Variants in DDX24 observed in about 807,000 individuals in gnomAD.
DDX24 encodes DEAD-box helicase 24.
A neutral mutation model predicts 68.9 loss-of-function variants in DDX24; 24 were observed. The ratio of observed to expected loss-of-function variants is 0.35; its 90% confidence interval spans 0.25 to 0.49. The LOEUF is 0.49. Among genes scored for constraint, DDX24 ranks in the 20% least tolerant of loss-of-function variants. DDX24 has a pLI of 0.99. For synonymous variants in DDX24, 395 were observed against 385.2 expected (o/e 1.03, Z -0.30); for missense variants, 989 against 1,039.0 (o/e 0.95, Z 0.66).
chr14:94,065,763 A>T (rs1293309141), intron 2 of DDX24, among the ~76,000 whole-genome samples: 1 of 152,066 alleles, frequency 6.6e-6, no homozygotes, highest in Non-Finnish European at 1.5e-5. Flanking sequence ...TTTGCAGGAG[A>T]AGTTTCTGAC....
intron 2 of DDX24, among the ~76,000 whole-genome samples, chr14:94,066,181 T>G (rs1358879627): frequency 6.6e-6 from 1 of 152,084 alleles, no homozygotes; most frequent in African/African-American, 2.4e-5. Context: ...AAGACTGCCC[T>G]TCGGTTTGTG....
chr14:94,051,501 T>G, intron 8 of DDX24, 39 bp from the exon 9 acceptor site: 3 of 1,497,280 alleles, frequency 2.0e-6, no homozygotes, highest in Non-Finnish European at 2.7e-6. Context: ...TTTACTATGG[T>G]TTGTAGAAAC....
rs755607741 is a variant in DDX24 at position 94,055,032 on chromosome 14, C to T, written c.2142G>A (p.Leu714=). The change falls in exon 7 of 9, where the codon CTG becomes CTA. Residue 714 remains leucine (L), a synonymous_variant. Transcript: ENST00000621632. Reference sequence around the variant, plus strand: ...CCATGTATTTTGTCTGCACGGGGAACAGTGGGATATCCTCATCTTTCTTGA... The same window carrying T: ...CCATGTATTTTGTCTGCACGGGGAATAGTGGGATATCCTCATCTTTCTTGA... ...KTLKKDEDIP[L]FPVQTKYMDV... is the part of the protein sequence containing the mutation. 5.6e-6 allele frequency: 9 copies of T among 1,614,216 alleles called. No individual in the cohort carries two copies. The highest frequency in any genetic ancestry group is 1.7e-5 in the Admixed American group (1 of 60,024).
rs1482826039 is a variant in DDX24 at position 94,060,405 on chromosome 14, C to G, written c.1606G>C (p.Asp536His). 4 of 1,614,020 alleles carry G rather than the reference C, an allele frequency of 2.5e-6. No homozygotes were observed. Among genetic ancestry groups the G allele is most frequent in the Non-Finnish European group, 3.4e-6 (4 of 1,180,050 alleles). The change falls in exon 5 of 9, where the codon GAC (aspartate) becomes CAC (histidine). Residue 536 changes from aspartate (D) to histidine (H), a missense_variant. Coordinates refer to ENST00000621632, the MANE Select transcript of DDX24 (RefSeq NM_020414.4). Reference sequence around the variant, plus strand: ...ATGCCAATTTTCTGCATAAGGAGGTCAAGTTTGGCTGTTTTATCCATTTTC... The same window carrying G: ...ATGCCAATTTTCTGCATAAGGAGGTGAAGTTTGGCTGTTTTATCCATTTTC... ...TKKMDKTAKLDLLMQKIGMRG... is the reference protein window; with the variant it reads ...TKKMDKTAKLHLLMQKIGMRG...
chr14:94,053,363 T>C (rs943264806), intron 7 of DDX24: 1 of 142,222 alleles, frequency 7.0e-6, no homozygotes, highest in Non-Finnish European at 1.2e-5. Flanking sequence ...AATTTCTTTT[T>C]TTTTTTTTTT....
At chr14:94,052,764 ACTCCACTGC>A (rs1885410889) in intron 8 of DDX24, among the ~76,000 whole-genome samples, 1 of 152,056 alleles carries the variant, frequency 6.6e-6, no homozygotes, top group African/African-American at 2.4e-5. Flanking sequence ...TCCTCACTGT[ACTCCACTGC>A]CTGTCCATGT....
chr14:94,061,050 A>G lies in DDX24; in HGVS notation c.1260T>C (p.Ile420=). 6.2e-7 allele frequency: 1 copy of G among 1,614,072 alleles called. No individual in the cohort carries two copies. The highest frequency in any genetic ancestry group is 8.5e-7 in the Non-Finnish European group (1 of 1,180,006). ...VARFTGIKTA[I]LVGGMSTQKQ... is the part of the protein sequence containing the mutation. ...TCTGCGTGGACATTCCACCAACCAA[A>G]ATAGCAGTTTTAATTCCTATGGGAC... Residue 420 remains isoleucine, a synonymous_variant, in exon 4 of 9, where the codon ATT becomes ATC. Transcript: ENST00000621632.
intron 2 of DDX24, among the ~76,000 whole-genome samples, chr14:94,064,272 G>A (rs1004045719): frequency 6.6e-6 from 1 of 152,216 alleles, no homozygotes; most frequent in Non-Finnish European, 1.5e-5. Flanking sequence ...TAAGAGCCTT[G>A]TAACTTTCTC....
At chr14:94,069,187 A>G (rs1885777655) in intron 2 of DDX24, among the ~76,000 whole-genome samples, 1 of 152,202 alleles carries the variant, frequency 6.6e-6, no homozygotes, top group South Asian at 2.1e-4. Flanking sequence ...AGGAGATATT[A>G]CAACTGAAAC....
At chr14:94,058,046 T>C (rs1885522240) in intron 5 of DDX24, 149 bp from the exon 6 acceptor site, 1 of 736,892 alleles carries the variant, frequency 1.4e-6, no homozygotes, top group Non-Finnish European at 2.1e-6. Flanking sequence ...AAACTGAGGC[T>C]CGGAGAGATT....
intron 1 of DDX24, among the ~76,000 whole-genome samples, chr14:94,080,282 C>G (rs11848073): frequency 0.034 from 5,167 of 152,238 alleles, 273 homozygotes; most frequent in African/African-American, 0.11. Flanking sequence ...GAGCAAATGC[C>G]TGCTCCACCA....
At chr14:94,067,899 G>C (rs1457199792) in intron 2 of DDX24, among the ~76,000 whole-genome samples, 3 of 152,010 alleles carry the variant, frequency 2.0e-5, no homozygotes, top group Non-Finnish European at 2.9e-5. Flanking sequence ...AAAGTATAAA[G>C]TAAAAATCAC....
intron 2 of DDX24, among the ~76,000 whole-genome samples, chr14:94,063,374 A>C (rs533825783): frequency 2.0e-5 from 3 of 152,254 alleles, no homozygotes; most frequent in Non-Finnish European, 4.4e-5. Flanking sequence ...GAAAAGCCAG[A>C]AGACAGTGTA....
chr14:94,077,640 G>A (rs1885971241), intron 2 of DDX24, among the ~76,000 whole-genome samples: 1 of 152,156 alleles, frequency 6.6e-6, no homozygotes, highest in Non-Finnish European at 1.5e-5. Context: ...ACTTAACACA[G>A]TGCATGACAC....
At chr14:94,057,784 G>T in intron 6 of DDX24, 38 bp downstream of exon 6, 1 of 1,597,954 alleles carries the variant, frequency 6.3e-7, no homozygotes. Flanking sequence ...TCCCCATTCA[G>T]TGCAGGCAGA....
intron 2 of DDX24, among the ~76,000 whole-genome samples, chr14:94,066,829 GAAC>G (rs1885715856): frequency 6.6e-6 from 1 of 152,172 alleles, no homozygotes. Context: ...AAAAGAATCT[GAAC>G]AACAGCCTTC....
At chr14:94,070,947 T>G (rs1012364739) in intron 2 of DDX24, among the ~76,000 whole-genome samples, 3 of 152,166 alleles carry the variant, frequency 2.0e-5, no homozygotes, top group Non-Finnish European at 4.4e-5. Flanking sequence ...GGACATTGGC[T>G]TAGGCAAGGA....
In DDX24 at chr14:94,079,103, C is replaced by T. The variant is rs202205212; in HGVS notation, c.640G>A (p.Ala214Thr). 1 of 1,614,190 alleles carries T rather than the reference C, an allele frequency of 6.2e-7. No individual in the cohort carries two copies. Among genetic ancestry groups the T allele is most frequent in the African/African-American group, 1.3e-5 (1 of 75,030 alleles). The change falls in exon 2 of 9, where the codon GCA becomes ACA. Residue 214 changes from alanine (A) to threonine (T), a missense_variant. Ala to Thr is a moderately conservative substitution (Grantham distance 58). Around this residue, in one of 3 missense-constraint regions of DDX24, gnomAD observed 295 missense variants for 263.0 expected, o/e 1.12. Transcript: ENST00000621632. ...LRALSFLGFS[A>T]PTPIQALTLA... ...GTCAGGGCTTGGATTGGTGTGGGTG[C>T]AGAGAAGCCTAGAAAGCTGAGTGCT...
chr14:94,062,050 T>C (rs372748772), intron 3 of DDX24, 47 bp downstream of exon 3: 38 of 1,540,420 alleles, frequency 2.5e-5, no homozygotes, highest in Non-Finnish European at 3.2e-5. Context: ...CCAACGAGCA[T>C]TTGGGATTTA....
Sources: allele counts gnomAD v4.1 joint callset (sites outside exome capture counted in the v4.1 genomes callset), GRCh38; gene constraint gnomAD v4.1.1; regional missense constraint gnomAD v4.1.1; transcripts MANE v1.5; gene names NCBI Gene and HGNC (gene_info 2026-07-23, HGNC 2026-07-21).